FAM227B: variants seen among roughly 807,000 people sequenced by gnomAD.
FAM227B encodes the protein family with sequence similarity 227 member B.
FAM227B carries 88 observed loss-of-function variants against 73.8 expected under a neutral mutation model. The ratio of observed to expected loss-of-function variants is 1.19; its 90% confidence interval spans 1.00 to 1.42. The LOEUF (loss-of-function observed/expected upper bound fraction) is 1.42. Among genes scored for constraint, FAM227B ranks in the 40% most tolerant of loss-of-function variants. The pLI is 0.00. For synonymous variants in FAM227B, 210 were observed against 190.5 expected, an observed-to-expected ratio of 1.10 and a Z score of -0.84; for missense variants, 632 against 590.9, an observed-to-expected ratio of 1.07 and a Z score of -0.72.
At chr15:49,478,548 TG>T (rs765940597) in intron 11 of FAM227B, among the ~76,000 whole-genome samples, 2 of 152,192 alleles carry the variant, frequency 1.3e-5, no homozygotes, top group African/African-American at 2.4e-5. Context: ...TAAATTTAAA[TG>T]TTTTTTTCTT....
In FAM227B at chr15:49,328,303, G is replaced by GCTATAT. The variant is rs2037881921; in HGVS notation, c.*264_*265insATATAG. The GCTATAT allele has an allele frequency of 7.7e-6, 11 of 1,436,336 alleles. No individual in the cohort carries two copies. In the South Asian group the frequency reaches 1.7e-4, roughly 22 times the overall value. 89.0% of individuals were successfully genotyped at this position (1,436,336 alleles called of 1,614,324 possible). A position where few individuals can be genotyped will look rare whatever the true frequency, so the allele number is the denominator to read the frequency against. The stretch of plus-strand genomic sequence containing the variant: ...ATCAAGATATATTTTCAAAGAAATG[G>GCTATAT]TTGAAAGCTCTCTATGCTTCATAAT... On this transcript the variant is annotated 3_prime_UTR_variant, in exon 16 of 16. Coordinates refer to ENST00000299338, the MANE Select transcript of FAM227B (RefSeq NM_152647.3).
intron 11 of FAM227B, among the ~76,000 whole-genome samples, chr15:49,453,486 C>A (rs765072052): frequency 6.6e-6 from 1 of 152,102 alleles, no homozygotes; most frequent in Non-Finnish European, 1.5e-5. Context: ...TTTTCCTTTA[C>A]AACACACCTT....
intron 13 of FAM227B, among the ~76,000 whole-genome samples, chr15:49,360,641 T>C (rs1046898217): frequency 1.5e-4 from 23 of 152,188 alleles, no homozygotes; most frequent in African/African-American, 5.3e-4. Context: ...TTTAAAGATA[T>C]ACCATGCATT....
At chr15:49,368,675 C>T (rs2045551887) in intron 12 of FAM227B, among the ~76,000 whole-genome samples, 1 of 152,116 alleles carries the variant, frequency 6.6e-6, no homozygotes, top group Non-Finnish European at 1.5e-5. Context: ...AAAACTAGCC[C>T]AAGCTCAGTT....
chr15:49,531,606 C>A (rs1302749089), intron 10 of FAM227B, among the ~76,000 whole-genome samples: 1 of 151,942 alleles, frequency 6.6e-6, no homozygotes, highest in South Asian at 2.1e-4. Context: ...TGTACATCAG[C>A]TATTTTCCAG....
At chr15:49,492,368 A>T (rs775123609) in intron 11 of FAM227B, among the ~76,000 whole-genome samples, 4 of 151,914 alleles carry the variant, frequency 2.6e-5, no homozygotes, top group Admixed American at 1.3e-4. Flanking sequence ...TCTTAGAATG[A>T]ATCATGTAAC....
Position 49,328,002 on chromosome 15 carries a change from G to A in FAM227B, c.*566C>T, listed in dbSNP as rs777379469. ...CTTACTGGAGCAGGATGGGGAGGCT[G>A]CACAGTATCAATGGTACCTGCGGAC... On this transcript the variant is annotated 3_prime_UTR_variant, in exon 16 of 16. Coordinates refer to ENST00000299338, the MANE Select transcript of FAM227B (RefSeq NM_152647.3). 1 of 1,613,912 alleles carries A rather than the reference G, an allele frequency of 6.2e-7. No homozygotes were observed. The highest frequency in any genetic ancestry group is 8.5e-7 in the Non-Finnish European group (1 of 1,179,832).
intron 10 of FAM227B, among the ~76,000 whole-genome samples, chr15:49,534,990 AT>A (rs1270235844): frequency 6.6e-6 from 1 of 151,814 alleles, no homozygotes; most frequent in African/African-American, 2.4e-5. Context: ...ATGAAAAAAA[AT>A]CCCAAATAAA....
At chr15:49,413,692 G>C (rs991049108) in intron 11 of FAM227B, among the ~76,000 whole-genome samples, 1 of 151,866 alleles carries the variant, frequency 6.6e-6, no homozygotes, top group Non-Finnish European at 1.5e-5. Context: ...ATTATACTTA[G>C]GATCAAATCC....
At chr15:49,577,724 T>C in intron 5 of FAM227B, 60 bp from the exon 6 acceptor site, 1 of 1,109,576 alleles carries the variant, frequency 9.0e-7, no homozygotes, top group African/African-American at 1.6e-5. Flanking sequence ...TTACATTTAG[T>C]AAATTTGTTC....
Position 49,337,556 on chromosome 15 carries a change from GGGATACATGTGCAGA to G in FAM227B, c.1272-2075_1272-2061del, listed in dbSNP as rs1383296682. Among the ~76,000 whole-genome samples the G allele has an allele frequency of 6.8e-5, 7 of 103,594 alleles. No homozygotes were observed. The East Asian group carries it at 1.6e-3, about 23-fold the overall frequency. 68.0% of individuals were successfully genotyped at this position (103,594 alleles called of 152,430 possible). ...TTTTTAGTATTATACTTTAAGTTCT[GGGATACATGTGCAGA>G]ACATGCAGGTTTGTTACATAGGTAT... On this transcript the variant is annotated intron_variant, in intron 13 of 15. Transcript: ENST00000299338.
At chr15:49,461,431 AGAG>A (rs2053786091) in intron 11 of FAM227B, among the ~76,000 whole-genome samples, 1 of 151,976 alleles carries the variant, frequency 6.6e-6, no homozygotes, top group Non-Finnish European at 1.5e-5. Flanking sequence ...AACTATAAAA[AGAG>A]GAGTGGCTTA....
Position 49,327,809 on chromosome 15 carries a change from G to A in FAM227B, c.*759C>T. On this transcript the variant is annotated 3_prime_UTR_variant, in exon 16 of 16. Transcript: ENST00000299338. ...TCTGAAACAGTATAAATGTCTTAAT[G>A]TCCTAAAATGTTTGATGACACCTAA... 1 of 678,492 alleles carries A rather than the reference G, an allele frequency of 1.5e-6. No homozygotes were observed. The highest frequency in any genetic ancestry group is 2.4e-6 in the Non-Finnish European group (1 of 418,754). The allele number at this position is 678,492 out of a possible 1,614,324, so 42.0% of individuals were successfully genotyped here. A position where few individuals can be genotyped will look rare whatever the true frequency, so the allele number is the denominator to read the frequency against.
intron 13 of FAM227B, among the ~76,000 whole-genome samples, chr15:49,340,209 G>A (rs1396235640): frequency 2.6e-5 from 4 of 152,142 alleles, no homozygotes; most frequent in East Asian, 1.9e-4. Flanking sequence ...CCAAACAGCC[G>A]CCCAGTTTTG....
intron 11 of FAM227B, among the ~76,000 whole-genome samples, chr15:49,479,492 A>G (rs1227828237): frequency 6.6e-6 from 1 of 150,538 alleles, no homozygotes; most frequent in Non-Finnish European, 1.5e-5. Context: ...ATTAACTTAT[A>G]TTGGTAACTA....
chr15:49,396,724 C>G (rs1293950150), intron 11 of FAM227B, among the ~76,000 whole-genome samples: 3 of 149,254 alleles, frequency 2.0e-5, no homozygotes, highest in Admixed American at 6.7e-5. Context: ...GAGGCACCCC[C>G]CAGCAGGGGC....
intron 11 of FAM227B, among the ~76,000 whole-genome samples, chr15:49,467,712 T>G (rs1326741721): frequency 3.3e-5 from 5 of 152,162 alleles, no homozygotes; most frequent in Non-Finnish European, 7.4e-5. Flanking sequence ...AGACAAATAA[T>G]TCTTTCTGTA....
intron 10 of FAM227B, among the ~76,000 whole-genome samples, chr15:49,531,086 A>G (rs558017859): frequency 5.6e-4 from 78 of 138,898 alleles, no homozygotes; most frequent in South Asian, 3.9e-3. Context: ...TAATATAAAA[A>G]AGTTTAAACT....
In FAM227B at chr15:49,327,944, T is replaced by C; in HGVS notation, c.*624A>G. The C allele has an allele frequency of 6.3e-7, 1 of 1,597,224 alleles. No homozygotes were observed. Among genetic ancestry groups the C allele is most frequent in the Non-Finnish European group, 8.5e-7 (1 of 1,170,378 alleles). ...TAGGTTCTAATATTTTTTTCCTCAC[T>C]GTTTTAGGAAGTTTGGGGCTCAAGG... On this transcript the variant is annotated 3_prime_UTR_variant, in exon 16 of 16. Coordinates refer to ENST00000299338, the MANE Select transcript of FAM227B (RefSeq NM_152647.3).
Sources: allele counts gnomAD v4.1 joint callset (sites outside exome capture counted in the v4.1 genomes callset), GRCh38; gene constraint gnomAD v4.1.1; transcripts MANE v1.5; gene names NCBI Gene and HGNC (gene_info 2026-07-23, HGNC 2026-07-21).